The following SNTG1 variants were observed in gnomAD, a reference collection of about 807,000 sequenced individuals.
SNTG1 encodes gamma-1-syntrophin.
SNTG1 carries 39 observed loss-of-function variants against 74.7 expected under a neutral mutation model. The ratio of observed to expected loss-of-function variants is 0.52; its 90% CI spans 0.40 to 0.68. The LOEUF (loss-of-function observed/expected upper bound fraction) is 0.68, where lower values mean the gene tolerates loss of function less well. Ranked by LOEUF, SNTG1 falls within the 30% of genes least tolerant of loss-of-function variation. The pLI, the probability that SNTG1 is intolerant of heterozygous loss-of-function variation, is 0.00. For synonymous variants in SNTG1, 254 were observed against 217.1 expected, an observed-to-expected ratio of 1.17 and a Z score of -1.49; for missense variants, 685 against 609.5, an observed-to-expected ratio of 1.12 and a Z score of -1.30.
intron 15 of SNTG1, among the ~76,000 whole-genome samples, chr8:50,671,262 C>G (rs569939684): frequency 0.031 from 4,656 of 150,752 alleles, 236 homozygotes; most frequent in African/African-American, 0.11. Flanking sequence ...AGGCAACCTA[C>G]AAAATGGGAG....
intron 1 of SNTG1, among the ~76,000 whole-genome samples, chr8:50,150,112 C>T (rs1233136644): frequency 1.3e-5 from 2 of 152,046 alleles, no homozygotes; most frequent in African/African-American, 4.8e-5. Context: ...CCTTCACATC[C>T]CTTGTAAGTT....
At chr8:49,947,062 G>A (rs979771663) in intron 1 of SNTG1, among the ~76,000 whole-genome samples, 1 of 152,184 alleles carries the variant, frequency 6.6e-6, no homozygotes, top group Non-Finnish European at 1.5e-5. Context: ...CACTTTGGGA[G>A]GCTGAGGTGG....
At chr8:50,651,715 C>G (rs1321692865) in intron 13 of SNTG1, among the ~76,000 whole-genome samples, 1 of 151,996 alleles carries the variant, frequency 6.6e-6, no homozygotes, top group African/African-American at 2.4e-5. Flanking sequence ...CCTCGGCCTC[C>G]CAAAGTGCTG....
At chr8:50,726,634 G>A (rs2095500836) in intron 17 of SNTG1, among the ~76,000 whole-genome samples, 1 of 152,190 alleles carries the variant, frequency 6.6e-6, no homozygotes, top group African/African-American at 2.4e-5. Context: ...TGGATCACAA[G>A]GTCAGGAGAT....
chr8:50,512,318 A>T (rs1011889327), intron 9 of SNTG1, among the ~76,000 whole-genome samples: 1 of 150,976 alleles, frequency 6.6e-6, no homozygotes, highest in African/African-American at 2.4e-5. Flanking sequence ...TTTGTGGGTA[A>T]CCCGACCTTT....
chr8:50,295,886 G>T (rs2130611611), intron 2 of SNTG1, among the ~76,000 whole-genome samples: 1 of 152,120 alleles, frequency 6.6e-6, no homozygotes, highest in East Asian at 1.9e-4. Flanking sequence ...TCATTCTAGA[G>T]GCTTCAACAC....
At chr8:50,552,984 C>T in intron 11 of SNTG1, 66 bp from the exon 12 acceptor site, 1 of 1,580,374 alleles carries the variant, frequency 6.3e-7, no homozygotes, top group Non-Finnish European at 8.6e-7. Flanking sequence ...TCAACAGATA[C>T]TATTACGAGC....
At chr8:50,185,784 A>G (rs2083359808) in intron 2 of SNTG1, among the ~76,000 whole-genome samples, 1 of 151,508 alleles carries the variant, frequency 6.6e-6, no homozygotes, top group Non-Finnish European at 1.5e-5. Context: ...TTTTTTCTAT[A>G]TTATACAATG....
At chr8:50,293,775 T>C (rs2089239730) in intron 2 of SNTG1, among the ~76,000 whole-genome samples, 1 of 152,150 alleles carries the variant, frequency 6.6e-6, no homozygotes, top group Non-Finnish European at 1.5e-5. Flanking sequence ...ATATCTGTAG[T>C]ACAGGGGTTA....
rs1808617150 is a variant in SNTG1, at chr8:49,940,814, AAC to A, written c.-103+28587_-103+28588del. 1.3e-5 allele frequency among the ~76,000 whole-genome samples: 2 copies of A among 152,026 alleles called. 1 individual carries two copies. The highest frequency in any genetic ancestry group is 1.3e-4 in the Admixed American group (2 of 15,262). The stretch of plus-strand genomic sequence containing the variant: ...TATGTAATCATACATGTGAAAATAG[AAC>A]ACATGTTGCAAAAACATCATGAGAC... On this transcript the variant is annotated intron_variant, in intron 1 of 18. Transcript: ENST00000642720.
rs531482742 is a variant in SNTG1 at position 50,762,769 on chromosome 8, G to A, written c.1395+10658G>A. On this transcript the variant is annotated intron_variant, in intron 18 of 18. Coordinates refer to ENST00000642720, the MANE Select transcript of SNTG1 (RefSeq NM_018967.5). ...GGCACTGGACACACTTCTGAACAAAGATCTTCTTGCCTTTCTCAACATCAC... is the reference window on the plus strand; with the variant it reads ...GGCACTGGACACACTTCTGAACAAAAATCTTCTTGCCTTTCTCAACATCAC... 4.2e-6 allele frequency: 2 copies of A among 472,454 alleles called. 1 individual carries two copies. Among genetic ancestry groups the A allele is most frequent in the African/African-American group, 3.9e-5 (2 of 50,806 alleles). 29.3% of individuals were successfully genotyped at this position (472,454 alleles called of 1,614,324 possible).
intron 1 of SNTG1, among the ~76,000 whole-genome samples, chr8:50,157,074 G>T (rs1190900655): frequency 1.3e-5 from 2 of 152,066 alleles, no homozygotes; most frequent in Admixed American, 1.3e-4. Context: ...TTGCTACTCA[G>T]CAATACAAAG....
At chr8:50,385,758 C>A (rs1396662109) in intron 2 of SNTG1, among the ~76,000 whole-genome samples, 1 of 152,152 alleles carries the variant, frequency 6.6e-6, no homozygotes, top group Admixed American at 6.6e-5. Context: ...TTTGGCAGGT[C>A]AATAGCTGCA....
intron 2 of SNTG1, among the ~76,000 whole-genome samples, chr8:50,360,847 G>A (rs550493927): frequency 3.3e-5 from 5 of 152,164 alleles, no homozygotes; most frequent in Admixed American, 6.6e-5. Flanking sequence ...TGCTGTGCAC[G>A]AGTCAGTGAG....
At chr8:50,229,732 T>A (rs575316081) in intron 2 of SNTG1, among the ~76,000 whole-genome samples, 1 of 151,522 alleles carries the variant, frequency 6.6e-6, no homozygotes, top group Non-Finnish European at 1.5e-5. Flanking sequence ...AATCAGTTAG[T>A]TCTAATGGCT....
At chr8:50,728,152 T>C (rs74841884) in intron 17 of SNTG1, among the ~76,000 whole-genome samples, 5,417 of 152,254 alleles carry the variant, frequency 0.036, 332 homozygotes, top group African/African-American at 0.12. Context: ...GACACAGAAC[T>C]GTGTATTGGT....
At chr8:50,174,429 G>A (rs1035905913) in intron 2 of SNTG1, among the ~76,000 whole-genome samples, 7 of 152,148 alleles carry the variant, frequency 4.6e-5, no homozygotes, top group Non-Finnish European at 8.8e-5. Context: ...TTCCACAATG[G>A]TTGAACTAAT....
intron 2 of SNTG1, among the ~76,000 whole-genome samples, chr8:50,354,558 C>T (rs977074954): frequency 6.6e-6 from 1 of 152,164 alleles, no homozygotes; most frequent in African/African-American, 2.4e-5. Flanking sequence ...ATCTTACATC[C>T]TGAGAGCTGA....
At chr8:50,725,181 C>T (rs16915320) in intron 17 of SNTG1, among the ~76,000 whole-genome samples, 7 of 151,958 alleles carry the variant, frequency 4.6e-5, no homozygotes, top group African/African-American at 1.4e-4. Context: ...CTTATTTGGG[C>T]GACGTTTTGT....
Sources: gnomAD v4.1 joint callset for allele counts (sites outside exome capture counted in the v4.1 genomes callset) on GRCh38, gnomAD v4.1.1 for gene constraint, MANE v1.5 for transcripts, NCBI Gene and HGNC (gene_info 2026-07-23, HGNC 2026-07-21) for gene names.